CNOT6L: variants seen among roughly 807,000 people sequenced by gnomAD.
The protein encoded by CNOT6L is CCR4-NOT transcription complex subunit 6-like.
In CNOT6L, 7 loss-of-function variants were observed where a neutral mutation model predicts 64.0. The observed-to-expected ratio is 0.11, with a 90% CI of 0.06 to 0.21. The LOEUF (loss-of-function observed/expected upper bound fraction) is 0.21. Among genes scored for constraint, CNOT6L ranks in the 10% least tolerant of loss-of-function variants. The pLI is 1.00. For synonymous variants in CNOT6L, 193 were observed against 243.4 expected (o/e 0.79, Z 1.93); for missense variants, 245 against 669.0 (o/e 0.37, Z 6.99).
chr4:77,740,604 CCTGT>C (rs1205276629), intron 8 of CNOT6L, among the ~76,000 whole-genome samples: 1 of 152,110 alleles, frequency 6.6e-6, no homozygotes, highest in African/African-American at 2.4e-5. Flanking sequence ...TGTATAGCTG[CCTGT>C]AAGAGTTGCT....
At chr4:77,798,947 C>T (rs1215667901) in intron 1 of CNOT6L, among the ~76,000 whole-genome samples, 9 of 151,918 alleles carry the variant, frequency 5.9e-5, no homozygotes, top group Non-Finnish European at 1.3e-4. Flanking sequence ...CAACTGCATT[C>T]CAGCCTGAGT....
At chr4:77,749,961 G>A (rs1025384967) in intron 5 of CNOT6L, among the ~76,000 whole-genome samples, 4 of 152,032 alleles carry the variant, frequency 2.6e-5, no homozygotes, top group Admixed American at 1.3e-4. Context: ...TTATATTAAC[G>A]AAAGCAATAG....
At chr4:77,778,939 C>T (rs200461644) in intron 1 of CNOT6L, among the ~76,000 whole-genome samples, 5 of 149,262 alleles carry the variant, frequency 3.3e-5, no homozygotes, top group South Asian at 4.3e-4. Context: ...CCCAGCTACT[C>T]GGGAGGCTGA....
intron 8 of CNOT6L, among the ~76,000 whole-genome samples, chr4:77,739,074 T>G (rs961417536): frequency 3.9e-5 from 6 of 152,236 alleles, no homozygotes; most frequent in African/African-American, 1.4e-4. Flanking sequence ...TATTATATTC[T>G]AATTATCTGA....
chr4:77,763,488 A>G (rs1271682442), intron 4 of CNOT6L, among the ~76,000 whole-genome samples: 1 of 152,160 alleles, frequency 6.6e-6, no homozygotes, highest in Non-Finnish European at 1.5e-5. Flanking sequence ...GGAACTACCT[A>G]ATAAAATAAA....
At chr4:77,781,598 T>C (rs1309972584) in intron 1 of CNOT6L, among the ~76,000 whole-genome samples, 5 of 152,136 alleles carry the variant, frequency 3.3e-5, no homozygotes, top group Admixed American at 6.5e-5. Context: ...GTTTTATATG[T>C]AGCACTAGGA....
intron 1 of CNOT6L, among the ~76,000 whole-genome samples, chr4:77,805,458 T>C (rs1732108981): frequency 6.6e-6 from 1 of 152,124 alleles, no homozygotes; most frequent in African/African-American, 2.4e-5. Context: ...TTTTCACTAA[T>C]CTCTAAAATT....
chr4:77,794,150 C>CAAAAAAAA (rs10649868), intron 1 of CNOT6L, among the ~76,000 whole-genome samples: 3 of 52,022 alleles, frequency 5.8e-5, no homozygotes, highest in African/African-American at 2.0e-4. Context: ...GACTCTGTCT[C>CAAAAAAAA]AAAAAAAAAA....
At chr4:77,819,446 AAC>A (rs1338156753), upstream of CNOT6L, 1 of 1,555,960 alleles carries the variant, frequency 6.4e-7, no homozygotes, top group African/African-American at 1.4e-5. Context: ...CGCAGACGCA[AAC>A]ACAAACACCC....
rs573259151 is a variant in CNOT6L, at chr4:77,818,831, G to T, written c.5+473C>A. On this transcript the variant is annotated intron_variant, in intron 1 of 11. Transcript: ENST00000504123. The stretch of plus-strand genomic sequence containing the variant: ...AGGCAGTTAGGCCGCGCTGCAGGCC[G>T]GCGCGCTTCCTGCCGCGGCCGGGGA... 28 of 217,914 alleles carry T rather than the reference G, an allele frequency of 1.3e-4. 1 individual carries two copies. In the South Asian group the frequency reaches 1.4e-3, roughly 11 times the overall value. The allele number at this position is 217,914 out of a possible 1,614,324, so 13.5% of individuals were successfully genotyped here.
intron 4 of CNOT6L, among the ~76,000 whole-genome samples, chr4:77,759,669 G>A (rs2110010406): frequency 6.6e-6 from 1 of 151,932 alleles, no homozygotes; most frequent in Non-Finnish European, 1.5e-5. Context: ...ACAGGAGCTA[G>A]AATACAATAA....
chr4:77,750,543 C>A (rs573891955), intron 5 of CNOT6L, among the ~76,000 whole-genome samples: 1 of 152,088 alleles, frequency 6.6e-6, no homozygotes, highest in Middle Eastern at 3.4e-3. Context: ...TCAGTAGAGA[C>A]GTGGTTTCAC....
chr4:77,723,076 A>G lies in CNOT6L; in HGVS notation c.1456-2433T>C, dbSNP rs188447228. ...GTAACAGAAAAGTTTACTATTTGCT[A>G]TAAAATAAAAGCTGCCCTTCCTTTT... On this transcript the variant is annotated intron_variant, in intron 11 of 11. Transcript: ENST00000504123. Among the ~76,000 whole-genome samples the G allele has an allele frequency of 1.6e-4, 25 of 152,348 alleles. 1 individual carries two copies. In the East Asian group the frequency reaches 4.6e-3, roughly 28 times the overall value.
chr4:77,804,953 T>A (rs1333348517), intron 1 of CNOT6L, among the ~76,000 whole-genome samples: 1 of 152,198 alleles, frequency 6.6e-6, no homozygotes, highest in African/African-American at 2.4e-5. Flanking sequence ...CACTTAGCCT[T>A]GAACAACATG....
chr4:77,786,739 A>T (rs1225709613), intron 1 of CNOT6L, among the ~76,000 whole-genome samples: 1 of 150,964 alleles, frequency 6.6e-6, no homozygotes, highest in African/African-American at 2.4e-5. Context: ...GGCCTCCCAA[A>T]GTGCTGTGAT....
At chr4:77,720,725 C>G in intron 11 of CNOT6L, 82 bp from the exon 12 acceptor site, 1 of 1,359,920 alleles carries the variant, frequency 7.4e-7, no homozygotes, top group Non-Finnish European at 1.0e-6. Context: ...AACCAAAAAA[C>G]TGACTACCCT....
chr4:77,818,523 G>A (rs1178252242), intron 1 of CNOT6L, among the ~76,000 whole-genome samples: 3 of 152,060 alleles, frequency 2.0e-5, no homozygotes, highest in African/African-American at 7.2e-5. Context: ...CCTCCACACA[G>A]CCTTAGGGGA....
chr4:77,804,648 T>C (rs1385737497), intron 1 of CNOT6L, among the ~76,000 whole-genome samples: 1 of 152,098 alleles, frequency 6.6e-6, no homozygotes, highest in East Asian at 1.9e-4. Flanking sequence ...GTTTCTTTTG[T>C]GGGTGATGGA....
chr4:77,798,660 C>T (rs1323309247), intron 1 of CNOT6L, among the ~76,000 whole-genome samples: 1 of 152,070 alleles, frequency 6.6e-6, no homozygotes, highest in Admixed American at 6.6e-5. Context: ...CAAAATGCTA[C>T]AACTTTGGGA....
Sources: gnomAD v4.1 joint callset for allele counts (sites outside exome capture counted in the v4.1 genomes callset) on GRCh38, gnomAD v4.1.1 for gene constraint, MANE v1.5 for transcripts, NCBI Gene and HGNC (gene_info 2026-07-23, HGNC 2026-07-21) for gene names.